SYK: variants seen among roughly 807,000 people sequenced by gnomAD.
SYK encodes tyrosine-protein kinase SYK.
SYK carries 16 observed loss-of-function variants against 77.8 expected under a neutral mutation model. The ratio of observed to expected loss-of-function variants is 0.21; its 90% CI spans 0.14 to 0.31. The LOEUF (loss-of-function observed/expected upper bound fraction) is 0.31, where lower values mean the gene tolerates loss of function less well. Among genes scored for constraint, SYK ranks in the 10% least tolerant of loss-of-function variants. SYK has a pLI of 1.00. For synonymous variants in SYK, 312 were observed against 308.7 expected (o/e 1.01, Z -0.11); for missense variants, 529 against 814.4 (o/e 0.65, Z 4.26).
intron 3 of SYK, among the ~76,000 whole-genome samples, chr9:90,849,056 G>A (rs977232186): frequency 1.3e-5 from 2 of 152,336 alleles, no homozygotes; most frequent in African/African-American, 4.8e-5. Flanking sequence ...GTGGAGAAGG[G>A]TGGAGTTGAG....
chr9:90,855,634 C>T (rs1221104400), intron 3 of SYK, among the ~76,000 whole-genome samples: 1 of 151,852 alleles, frequency 6.6e-6, no homozygotes, highest in South Asian at 2.1e-4. Flanking sequence ...GAGCCCGTAA[C>T]TTAAGATGCA....
chr9:90,812,856 C>T (rs1351017525), intron 1 of SYK, among the ~76,000 whole-genome samples: 1 of 150,862 alleles, frequency 6.6e-6, no homozygotes. Context: ...TTATATTCTC[C>T]TAAGGTTTGC....
intron 4 of SYK, among the ~76,000 whole-genome samples, chr9:90,863,844 G>A (rs1302247242): frequency 6.6e-6 from 1 of 152,126 alleles, no homozygotes; most frequent in Non-Finnish European, 1.5e-5. Context: ...TATGTGTGTG[G>A]CGTTCTGTCA....
intron 3 of SYK, among the ~76,000 whole-genome samples, chr9:90,860,886 G>A (rs1827230357): frequency 6.6e-6 from 1 of 152,036 alleles, no homozygotes; most frequent in Non-Finnish European, 1.5e-5. Flanking sequence ...AATTTCCCCA[G>A]TACCCAGACG....
In SYK at chr9:90,804,662, C is replaced by G. The variant is rs147538038; in HGVS notation, c.-42+2769C>G. ...TTGTTTTAGAAGTCTACACATTGAG[C>G]ATTACTTTTTCTTCTAAAGCAACTA... is the stretch of plus-strand genomic sequence containing the variant. On this transcript the variant is annotated intron_variant, in intron 1 of 13. Transcript: ENST00000375754. Among the ~76,000 whole-genome samples, 383 of 152,302 alleles carry G rather than the reference C, an allele frequency of 2.5e-3. 1 individual carries two copies. Among genetic ancestry groups the G allele is most frequent in the African/African-American group, 8.8e-3 (364 of 41,568 alleles).
At chr9:90,828,899 G>A (rs976753757) in intron 1 of SYK, among the ~76,000 whole-genome samples, 8 of 152,122 alleles carry the variant, frequency 5.3e-5, no homozygotes, top group African/African-American at 1.7e-4. Flanking sequence ...CGCTCACACT[G>A]AACGTGGTCA....
intron 1 of SYK, among the ~76,000 whole-genome samples, chr9:90,842,229 C>T (rs947950901): frequency 6.4e-5 from 9 of 141,440 alleles, no homozygotes; most frequent in African/African-American, 1.9e-4. Flanking sequence ...GCATAGTGTG[C>T]GTGTAGTGCA....
intron 1 of SYK, among the ~76,000 whole-genome samples, chr9:90,815,267 T>G (rs2118348929): frequency 6.6e-6 from 1 of 152,326 alleles, no homozygotes; most frequent in East Asian, 1.9e-4. Context: ...GGCGTTTGTT[T>G]CTGGGAATGC....
chr9:90,812,809 G>A (rs538447468), intron 1 of SYK, among the ~76,000 whole-genome samples: 7 of 151,156 alleles, frequency 4.6e-5, no homozygotes, highest in African/African-American at 1.2e-4. Context: ...GAGAGGGCTC[G>A]TGTTTTTCTG....
At chr9:90,852,836 G>A (rs191001683) in intron 3 of SYK, among the ~76,000 whole-genome samples, 46 of 152,280 alleles carry the variant, frequency 3.0e-4, no homozygotes, top group Middle Eastern at 6.8e-3. Context: ...GATAGGACTT[G>A]GCTACTGTGA....
At chr9:90,884,297 G>GTATATATACACACATATACACATACGTT (rs1341542597) in intron 11 of SYK, among the ~76,000 whole-genome samples, 13 of 66,870 alleles carry the variant, frequency 1.9e-4, no homozygotes, top group East Asian at 1.3e-3. Flanking sequence ...ACACATACGT[G>GTATATATACACACATATACACATACGTT]TATATATACA....
rs1483594474 is a variant in SYK, at chr9:90,844,091, A to G, written c.193A>G (p.Thr65Ala). 2.5e-6 allele frequency: 4 copies of G among 1,613,034 alleles called. No homozygotes were observed. The highest frequency in any genetic ancestry group is 3.4e-6 in the Non-Finnish European group (4 of 1,179,528). ...CCACGGGAGGAAGGCACACCACTAC[A>G]CCATCGAGCGGGAGCTGAATGGCAC... is the stretch of plus-strand genomic sequence containing the variant. ...VAHGRKAHHY[T>A]IERELNGTYA... Residue 65 changes from threonine (T) to alanine (A), a missense_variant, in exon 2 of 14, where the codon ACC becomes GCC. Around this residue, in one of 2 missense-constraint regions of SYK, gnomAD observed 321 missense variants for 433.1 expected, o/e 0.74. Transcript: ENST00000375754.
chr9:90,846,828 C>A (rs1488963821), intron 3 of SYK, among the ~76,000 whole-genome samples: 1 of 152,312 alleles, frequency 6.6e-6, no homozygotes, highest in Admixed American at 6.5e-5. Context: ...GAAGACATTG[C>A]CCCTCAGTGG....
intron 11 of SYK, among the ~76,000 whole-genome samples, chr9:90,882,232 A>G (rs1828184985): frequency 6.6e-6 from 1 of 152,230 alleles, no homozygotes; most frequent in Non-Finnish European, 1.5e-5. Context: ...AATAACACAC[A>G]TGGTTGTATT....
chr9:90,830,895 T>C (rs1386665604), intron 1 of SYK, among the ~76,000 whole-genome samples: 3 of 152,080 alleles, frequency 2.0e-5, no homozygotes, highest in African/African-American at 4.8e-5. Context: ...TCCTCTTTCT[T>C]ATGAAAATTA....
At chr9:90,855,886 A>C (rs1262482851) in intron 3 of SYK, among the ~76,000 whole-genome samples, 1 of 152,126 alleles carries the variant, frequency 6.6e-6, no homozygotes, top group African/African-American at 2.4e-5. Context: ...ATATGGTGTG[A>C]GCCTGTTTGA....
At chr9:90,889,683 C>T (rs1452099346) in intron 13 of SYK, among the ~76,000 whole-genome samples, 1 of 152,232 alleles carries the variant, frequency 6.6e-6, no homozygotes, top group East Asian at 1.9e-4. Flanking sequence ...CTGCTGCTGC[C>T]GTGGCTCAGG....
chr9:90,808,977 T>C (rs1017274850), intron 1 of SYK, among the ~76,000 whole-genome samples: 3 of 152,230 alleles, frequency 2.0e-5, no homozygotes, highest in Non-Finnish European at 2.9e-5. Flanking sequence ...TCTGTAATAC[T>C]GTTTTTCATG....
intron 3 of SYK, among the ~76,000 whole-genome samples, chr9:90,859,878 T>C (rs1587874523): frequency 6.6e-6 from 1 of 152,278 alleles, no homozygotes; most frequent in South Asian, 2.1e-4. Flanking sequence ...AAACCTGTGC[T>C]TGTCTGTCTC....
Sources: gnomAD v4.1 joint callset for allele counts (sites outside exome capture counted in the v4.1 genomes callset) on GRCh38, gnomAD v4.1.1 for gene constraint, gnomAD v4.1.1 regional missense constraint, MANE v1.5 for transcripts, NCBI Gene and HGNC (gene_info 2026-07-23, HGNC 2026-07-21) for gene names.